DNAI7: variants seen among roughly 807,000 people sequenced by gnomAD.
DNAI7 encodes the protein cancer susceptibility 1.
A neutral mutation model predicts 86.6 loss-of-function variants in DNAI7; 78 were observed. That is an observed-to-expected ratio of 0.90 (90% CI 0.75 to 1.09). The LOEUF is 1.09. DNAI7 is among the 50% of genes least tolerant of loss of function. The pLI is 0.00. For missense variants in DNAI7, 753 were observed against 810.2 expected (o/e 0.93, Z 0.86); for synonymous variants, 274 against 273.0 (o/e 1.00, Z -0.04).
At chr12:25,145,649 TACTA>T (rs898535868) in intron 8 of DNAI7, among the ~76,000 whole-genome samples, 5 of 152,216 alleles carry the variant, frequency 3.3e-5, no homozygotes, top group African/African-American at 9.6e-5. Flanking sequence ...TCTTCCCTTT[TACTA>T]ACTATCAAAA....
At chr12:25,107,088 G>A, downstream of DNAI7, 1 of 1,183,524 alleles carries the variant, frequency 8.4e-7, no homozygotes, top group Non-Finnish European at 1.2e-6. Context: ...CATTTTAGTG[G>A]AATGGGAAAG....
chr12:25,134,317 T>A (rs1943279454), intron 9 of DNAI7, among the ~76,000 whole-genome samples: 1 of 151,606 alleles, frequency 6.6e-6, no homozygotes, highest in Non-Finnish European at 1.5e-5. Flanking sequence ...AAAATGTGCA[T>A]CTTGCCATTC....
At chr12:25,180,096 C>T (rs1269576481) in intron 2 of DNAI7, among the ~76,000 whole-genome samples, 1 of 152,170 alleles carries the variant, frequency 6.6e-6, no homozygotes, top group Non-Finnish European at 1.5e-5. Context: ...AGTAAAGTTT[C>T]AGGATACAAC....
intron 9 of DNAI7, among the ~76,000 whole-genome samples, chr12:25,140,701 G>A (rs1279082477): frequency 6.6e-6 from 1 of 150,822 alleles, no homozygotes; most frequent in African/African-American, 2.4e-5. Flanking sequence ...CATGGAACTA[G>A]AAAAAAAAAT....
intron 14 of DNAI7, 58 bp from the exon 15 acceptor site, chr12:25,110,298 A>T: frequency 1.0e-6 from 1 of 956,530 alleles, no homozygotes; most frequent in Non-Finnish European, 1.7e-6. Flanking sequence ...GTCTTCCTCC[A>T]TCTTTGGCCT....
chr12:25,160,979 G>T (rs1272912962), intron 3 of DNAI7, 134 bp downstream of exon 3: 1 of 608,894 alleles, frequency 1.6e-6, no homozygotes, highest in Non-Finnish European at 2.9e-6. Context: ...CTTTCTAAAA[G>T]ATAGATACCT....
At chr12:25,193,350 C>T (rs563832939) in intron 1 of DNAI7, among the ~76,000 whole-genome samples, 3 of 152,198 alleles carry the variant, frequency 2.0e-5, no homozygotes, top group African/African-American at 7.2e-5. Context: ...TGGAGAATGC[C>T]ATGTGAAGAA....
chr12:25,150,860 A>C (rs553993527), intron 6 of DNAI7, among the ~76,000 whole-genome samples: 1 of 152,310 alleles, frequency 6.6e-6, no homozygotes, highest in East Asian at 1.9e-4. Flanking sequence ...AATCAGGAGA[A>C]GGAGATGGAA....
At position 25,119,197 on chromosome 12, in the gene DNAI7, A is replaced by T. The variant is rs762502446; in HGVS notation, c.1344T>A (p.His448Gln). ...GATCCTCAAAAAAGATTACATTCTC[A>T]TGAACCTCAAGTGTGACCTCTATAG... ...FPPIEVTLEVHENVIFFEDPV... is the reference protein window; with the variant it reads ...FPPIEVTLEVQENVIFFEDPV... Residue 448 changes from histidine (H) to glutamine (Q), a missense_variant, in exon 12 of 16, where the codon CAT becomes CAA. Transcript: ENST00000395987. 3 of 1,611,642 alleles carry T rather than the reference A, an allele frequency of 1.9e-6. No individual in the cohort carries two copies. The highest frequency in any genetic ancestry group is 2.5e-6 in the Non-Finnish European group (3 of 1,178,558).
chr12:25,141,304 A>G (rs1186333234), intron 9 of DNAI7, among the ~76,000 whole-genome samples: 1 of 152,214 alleles, frequency 6.6e-6, no homozygotes, highest in Non-Finnish European at 1.5e-5. Context: ...TTCACAAACT[A>G]TGCACCTAAC....
At chr12:25,195,045 T>G in intron 1 of DNAI7, 31 bp downstream of exon 1, 1 of 1,614,164 alleles carries the variant, frequency 6.2e-7, no homozygotes, top group Admixed American at 1.7e-5. Flanking sequence ...TGGTCGCCCC[T>G]CCACCTGTCT....
At chr12:25,146,604 A>G (rs894000012) in intron 8 of DNAI7, among the ~76,000 whole-genome samples, 1 of 151,886 alleles carries the variant, frequency 6.6e-6, no homozygotes, top group African/African-American at 2.4e-5. Flanking sequence ...TGTCTCAAAA[A>G]AAAAAGAAAA....
intron 9 of DNAI7, among the ~76,000 whole-genome samples, chr12:25,126,748 C>A (rs1373180893): frequency 6.6e-6 from 1 of 152,070 alleles, no homozygotes; most frequent in African/African-American, 2.4e-5. Context: ...CATTATTTAC[C>A]TTTAAAAACC....
intron 10 of DNAI7, among the ~76,000 whole-genome samples, chr12:25,122,747 A>G (rs2140477531): frequency 6.6e-6 from 1 of 152,326 alleles, no homozygotes; most frequent in South Asian, 2.1e-4. Flanking sequence ...TCAGTTGTGT[A>G]TGTGTACTTG....
intron 2 of DNAI7, among the ~76,000 whole-genome samples, chr12:25,185,995 T>G (rs926749208): frequency 6.6e-6 from 1 of 152,208 alleles, no homozygotes; most frequent in African/African-American, 2.4e-5. Flanking sequence ...GTATTAATAA[T>G]GCCATTTTCT....
intron 1 of DNAI7, among the ~76,000 whole-genome samples, chr12:25,191,251 A>G (rs1034243234): frequency 2.0e-5 from 3 of 152,162 alleles, no homozygotes; most frequent in Non-Finnish European, 2.9e-5. Context: ...CGTCTCTACA[A>G]AAAATTTTAA....
At position 25,146,629 on chromosome 12, in the gene DNAI7, A is replaced by G. The variant is rs534470515; in HGVS notation, c.689+372T>C. Among the ~76,000 whole-genome samples, 17 of 151,234 alleles carry G rather than the reference A, an allele frequency of 1.1e-4. No individual in the cohort carries two copies. The East Asian group carries it at 3.3e-3, about 29-fold the overall frequency. On this transcript the variant is annotated intron_variant, in intron 8 of 15. Coordinates refer to ENST00000395987, the MANE Select transcript of DNAI7 (RefSeq NM_018272.5). The stretch of plus-strand genomic sequence containing the variant: ...AAAAAAGAAAAAGAAAGCACCTACC[A>G]CTTCTACTTTTTTGGAGGGCAGAGG...
intron 12 of DNAI7, among the ~76,000 whole-genome samples, chr12:25,116,979 C>T (rs144048401): frequency 6.6e-6 from 1 of 152,224 alleles, no homozygotes; most frequent in African/African-American, 2.4e-5. Flanking sequence ...CTGTCACCCA[C>T]CCTGAGTGCT....
intron 2 of DNAI7, among the ~76,000 whole-genome samples, chr12:25,173,884 TC>T (rs1948429435): frequency 2.1e-5 from 2 of 94,542 alleles, no homozygotes; most frequent in South Asian, 3.4e-4. Flanking sequence ...TATATACACA[TC>T]ATTCATATAT....
Sources: allele counts gnomAD v4.1 joint callset (sites outside exome capture counted in the v4.1 genomes callset), GRCh38; gene constraint gnomAD v4.1.1; transcripts MANE v1.5; gene names NCBI Gene and HGNC (gene_info 2026-07-23, HGNC 2026-07-21).